Variants in RAB15 observed in about 807,000 individuals in gnomAD.
The protein encoded by RAB15 is RAB15, member RAS oncogene family, also known as ras-related protein Rab-15.
In RAB15, 13 loss-of-function variants were observed where a neutral mutation model predicts 31.8. The observed-to-expected ratio is 0.41, with a 90% CI of 0.27 to 0.65. RAB15 has a LOEUF of 0.65. RAB15 is among the 30% of genes least tolerant of loss of function. The pLI is 0.32. For missense variants in RAB15, 220 were observed against 277.3 expected, an observed-to-expected ratio of 0.79 and a Z score of 1.47; for synonymous variants, 100 against 105.6, an observed-to-expected ratio of 0.95 and a Z score of 0.33.
rs759259457 is a variant in RAB15 at position 64,971,147 on chromosome 14, T to C, written c.124+806A>G. The stretch of plus-strand genomic sequence containing the variant: ...GCCTAGAAGCGGGAGACTGACTGTC[T>C]CAGAGGGGAGGCCATGGACCCATTC... On this transcript the variant is annotated intron_variant, in intron 1 of 6. Coordinates refer to ENST00000533601, the MANE Select transcript of RAB15 (RefSeq NM_001308154.2). This position sits in a 1 kb window ranked among gnomAD's most constrained non-coding sequence, Gnocchi z 4.1. Among the ~76,000 whole-genome samples, 20 of 152,156 alleles carry C rather than the reference T, an allele frequency of 1.3e-4. No individual in the cohort carries two copies. The highest frequency in any genetic ancestry group is 5.2e-4 in the Admixed American group (8 of 15,276).
chr14:64,954,567 C>G lies in RAB15; in HGVS notation c.125-1996G>C. 1.0e-6 allele frequency: 1 copy of G among 962,890 alleles called. No homozygotes were observed. The highest frequency in any genetic ancestry group is 1.2e-6 in the Non-Finnish European group (1 of 809,330). 59.6% of individuals were successfully genotyped at this position (962,890 alleles called of 1,614,324 possible). Reference sequence around the variant, plus strand: ...ATCCCACAAACATTTATGGGAACTTCCTATGTGCCCTGCACAGTGCTCAGT... The same window carrying G: ...ATCCCACAAACATTTATGGGAACTTGCTATGTGCCCTGCACAGTGCTCAGT... On this transcript the variant is annotated intron_variant, in intron 1 of 6. Transcript: ENST00000533601. The surrounding 1 kb of genome is among the most constrained non-coding windows in gnomAD (Gnocchi z 4.3).
Position 64,971,058 on chromosome 14 carries a change from C to G in RAB15, c.124+895G>C, listed in dbSNP as rs1461463605. ...AATGCAGAGGCTACTCCAGGGCTGA[C>G]CCGGGTAGCAGCTGAGGATGAAATT... On this transcript the variant is annotated intron_variant, in intron 1 of 6. Coordinates refer to ENST00000533601, the MANE Select transcript of RAB15 (RefSeq NM_001308154.2). The surrounding 1 kb of genome is among the most constrained non-coding windows in gnomAD (Gnocchi z 4.1). 3.9e-5 allele frequency among the ~76,000 whole-genome samples: 6 copies of G among 152,300 alleles called. No individual in the cohort carries two copies. Among genetic ancestry groups the G allele is most frequent in the South Asian group, 2.1e-4 (1 of 4,822 alleles).
chr14:64,971,738 C>G lies in RAB15; in HGVS notation c.124+215G>C. ...GGACGGAAGGCTTCCCGGCAAGAGG[C>G]GGGAGACCCCACCCCTGGTCCGGAC... is the stretch of plus-strand genomic sequence containing the variant. On this transcript the variant is annotated intron_variant, in intron 1 of 6. Transcript: ENST00000533601. This position sits in a 1 kb window ranked among gnomAD's most constrained non-coding sequence, Gnocchi z 4.1. The G allele has an allele frequency of 1.8e-6, 1 of 566,678 alleles. No individual in the cohort carries two copies. The highest frequency in any genetic ancestry group is 3.1e-6 in the Non-Finnish European group (1 of 318,136). 35.1% of individuals were successfully genotyped at this position (566,678 alleles called of 1,614,324 possible).
At chr14:64,966,210 C>G (rs1449896649) in intron 1 of RAB15, among the ~76,000 whole-genome samples, 1 of 152,224 alleles carries the variant, frequency 6.6e-6, no homozygotes, top group Admixed American at 6.5e-5. Context: ...GTTTTGGTCA[C>G]CACTGTGTCC....
intron 1 of RAB15, among the ~76,000 whole-genome samples, chr14:64,969,870 G>T (rs1024245994): frequency 2.6e-5 from 4 of 152,160 alleles, no homozygotes; most frequent in African/African-American, 9.7e-5. Flanking sequence ...CAAGGAGAAG[G>T]GTGGATGATT....
Position 64,962,073 on chromosome 14 carries a change from G to A in RAB15, c.125-9502C>T, listed in dbSNP as rs939538785. On this transcript the variant is annotated intron_variant, in intron 1 of 6. Transcript: ENST00000533601. This position sits in a 1 kb window ranked among gnomAD's most constrained non-coding sequence, Gnocchi z 4.2. ...CTACTAAAAATACAAAAATTAGCTG[G>A]TCGTGGTGGCAGGCTCCTGGAATCC... Among the ~76,000 whole-genome samples the A allele has an allele frequency of 6.6e-6, 1 of 152,116 alleles. No individual in the cohort carries two copies. Among genetic ancestry groups the A allele is most frequent in the African/African-American group, 2.4e-5 (1 of 41,400 alleles).
In RAB15 at chr14:64,971,845, C is replaced by G. The variant is rs61692455; in HGVS notation, c.124+108G>C. ...CCCGGACTCCGGCCTCCGGCGCCAC[C>G]GCCTCCAGCCGGAGGGGCTGGCAAT... On this transcript the variant is annotated intron_variant, in intron 1 of 6. Coordinates refer to ENST00000533601, the MANE Select transcript of RAB15 (RefSeq NM_001308154.2). This position sits in a 1 kb window ranked among gnomAD's most constrained non-coding sequence, Gnocchi z 4.1. 860 of 1,112,280 alleles carry G rather than the reference C, an allele frequency of 7.7e-4. 6 individuals carry two copies. The African/African-American group carries it at 8.2e-3, about 11-fold the overall frequency. 68.9% of individuals were successfully genotyped at this position (1,112,280 alleles called of 1,614,324 possible).
At position 64,950,466 on chromosome 14, in the gene RAB15, A is replaced by G. The variant is rs940694788; in HGVS notation, c.325-52T>C. The G allele has an allele frequency of 4.7e-5, 69 of 1,458,602 alleles. No homozygotes were observed. Among genetic ancestry groups the G allele is most frequent in the African/African-American group, 2.0e-4 (14 of 71,626 alleles). 90.4% of individuals were successfully genotyped at this position (1,458,602 alleles called of 1,614,324 possible). A position where few individuals can be genotyped will look rare whatever the true frequency, so the allele number is the denominator to read the frequency against. ...CCAGTGAGTGCTGCCTGCCCCCCCAATTTTCCCTACAGAGTCTGCACTGCC... is the reference window on the plus strand; with the variant it reads ...CCAGTGAGTGCTGCCTGCCCCCCCAGTTTTCCCTACAGAGTCTGCACTGCC... On this transcript the variant is annotated intron_variant, in intron 4 of 6. Coordinates refer to ENST00000533601, the MANE Select transcript of RAB15 (RefSeq NM_001308154.2). The surrounding 1 kb of genome is among the most constrained non-coding windows in gnomAD (Gnocchi z 5.6).
At position 64,948,017 on chromosome 14, in the gene RAB15, GAGC is replaced by G. The variant is rs1886009206; in HGVS notation, c.*334_*336del. 7.2e-6 allele frequency: 2 copies of G among 277,840 alleles called. No homozygotes were observed. Among genetic ancestry groups the G allele is most frequent in the Non-Finnish European group, 6.7e-6 (1 of 148,966 alleles). The allele number at this position is 277,840 out of a possible 1,614,324, so 17.2% of individuals were successfully genotyped here. On this transcript the variant is annotated 3_prime_UTR_variant, in exon 7 of 7. Transcript: ENST00000533601. The surrounding 1 kb of genome is among the most constrained non-coding windows in gnomAD (Gnocchi z 7.0). ...GAAGAGACACGATGCACGGAGAAAG[GAGC>G]AGCTGAAAGTGGCCTGGACTCCAGC...
intron 1 of RAB15, among the ~76,000 whole-genome samples, chr14:64,967,515 C>G (rs1289252386): frequency 6.6e-6 from 1 of 151,374 alleles, no homozygotes. Context: ...TTTAGGAGAT[C>G]GAGGCTGCAG....
Position 64,972,299 on chromosome 14 carries a change from C to A in RAB15, c.-223G>T, listed in dbSNP as rs914626705. 2.5e-5 allele frequency: 4 copies of A among 159,296 alleles called. No homozygotes were observed. The highest frequency in any genetic ancestry group is 9.7e-5 in the African/African-American group (4 of 41,230). The allele number at this position is 159,296 out of a possible 1,614,324, so 9.9% of individuals were successfully genotyped here. On this transcript the variant is annotated 5_prime_UTR_variant, in exon 1 of 7. Coordinates refer to ENST00000533601, the MANE Select transcript of RAB15 (RefSeq NM_001308154.2). The surrounding 1 kb of genome is among the most constrained non-coding windows in gnomAD (Gnocchi z 6.3). ...CCGGCGCGGCGCCCGCTCGGCTCGG[C>A]TCGGCTCGGCTGGGCTGGCGCGAGG... is the stretch of plus-strand genomic sequence containing the variant.
chr14:64,951,471 G>A lies in RAB15; in HGVS notation c.246+132C>T. The A allele has an allele frequency of 2.3e-6, 2 of 865,986 alleles. No individual in the cohort carries two copies. The highest frequency in any genetic ancestry group is 2.7e-5 in the South Asian group (2 of 73,568). 53.6% of individuals were successfully genotyped at this position (865,986 alleles called of 1,614,324 possible). Reference sequence around the variant, plus strand: ...ACGGACAAATGATCAGTGAACAGCTGAAAGACGCCCTGCGCTCCTCCAAGC... The same window carrying A: ...ACGGACAAATGATCAGTGAACAGCTAAAAGACGCCCTGCGCTCCTCCAAGC... On this transcript the variant is annotated intron_variant, in intron 3 of 6. Coordinates refer to ENST00000533601, the MANE Select transcript of RAB15 (RefSeq NM_001308154.2). The surrounding 1 kb of genome is among the most constrained non-coding windows in gnomAD (Gnocchi z 7.2).
chr14:64,952,683 G>A lies in RAB15; in HGVS notation c.125-112C>T. 1.4e-6 allele frequency: 1 copy of A among 738,202 alleles called. No individual in the cohort carries two copies. Among genetic ancestry groups the A allele is most frequent in the East Asian group, 2.7e-5 (1 of 37,230 alleles). 45.7% of individuals were successfully genotyped at this position (738,202 alleles called of 1,614,324 possible). On this transcript the variant is annotated intron_variant, in intron 1 of 6. Transcript: ENST00000533601. This position sits in a 1 kb window ranked among gnomAD's most constrained non-coding sequence, Gnocchi z 4.2. ...TTCCTTTCAGTTTAATTTGGCAAAG[G>A]GATGAAGTAATGTAAAGGCCTTCTT...
intron 1 of RAB15, among the ~76,000 whole-genome samples, chr14:64,965,208 A>G (rs2139998550): frequency 6.6e-6 from 1 of 152,194 alleles, no homozygotes. Flanking sequence ...CTGTAATCCC[A>G]GCACTTTGGG....
At chr14:64,961,076 C>G (rs1265472498) in intron 1 of RAB15, among the ~76,000 whole-genome samples, 1 of 151,960 alleles carries the variant, frequency 6.6e-6, no homozygotes, top group Non-Finnish European at 1.5e-5. Flanking sequence ...CCCAAAGGAC[C>G]AGCAGTGCGA....
chr14:64,961,819 G>A (rs1276171873), intron 1 of RAB15, among the ~76,000 whole-genome samples: 2 of 152,010 alleles, frequency 1.3e-5, no homozygotes, highest in African/African-American at 2.4e-5. Context: ...TGAGGTAAGA[G>A]GATCACCTGG....
In RAB15 at chr14:64,972,125, C is replaced by T; in HGVS notation, c.-49G>A. 1.5e-6 allele frequency: 2 copies of T among 1,321,670 alleles called. No individual in the cohort carries two copies. Among genetic ancestry groups the T allele is most frequent in the Non-Finnish European group, 1.9e-6 (2 of 1,031,150 alleles). The allele number at this position is 1,321,670 out of a possible 1,614,324, so 81.9% of individuals were successfully genotyped here. A position where few individuals can be genotyped will look rare whatever the true frequency, so the allele number is the denominator to read the frequency against. ...ACTGCGGGCGGGCAGCGGGCTCAGCCCTGCTCCGCCGCTGCCATCGCGGCC... is the reference window on the plus strand; with the variant it reads ...ACTGCGGGCGGGCAGCGGGCTCAGCTCTGCTCCGCCGCTGCCATCGCGGCC... On this transcript the variant is annotated 5_prime_UTR_variant, in exon 1 of 7. Coordinates refer to ENST00000533601, the MANE Select transcript of RAB15 (RefSeq NM_001308154.2). The surrounding 1 kb of genome is among the most constrained non-coding windows in gnomAD (Gnocchi z 6.3).
chr14:64,965,239 G>A (rs1409605229), intron 1 of RAB15, among the ~76,000 whole-genome samples: 1 of 151,902 alleles, frequency 6.6e-6, no homozygotes, highest in Non-Finnish European at 1.5e-5. Context: ...GGGTGGATCA[G>A]CTGAGGTCAG....
chr14:64,965,072 A>C (rs1887060441), intron 1 of RAB15, among the ~76,000 whole-genome samples: 2 of 152,218 alleles, frequency 1.3e-5, no homozygotes, highest in African/African-American at 4.8e-5. Context: ...CAGCCTCCTG[A>C]GTAGTTAGGA....
Sources: gnomAD v4.1 joint callset for allele counts (sites outside exome capture counted in the v4.1 genomes callset) on GRCh38, gnomAD v4.1.1 for gene constraint, Gnocchi (gnomAD v3.1) non-coding constraint, MANE v1.5 for transcripts, NCBI Gene and HGNC (gene_info 2026-07-23, HGNC 2026-07-21) for gene names.